RBKS: variants seen among roughly 807,000 people sequenced by gnomAD.
RBKS encodes the protein ribokinase.
Under a neutral mutation model 33.9 loss-of-function variants are expected in RBKS, and 33 were observed. The ratio of observed to expected loss-of-function variants is 0.97; its 90% CI spans 0.74 to 1.30. The LOEUF (loss-of-function observed/expected upper bound fraction) is 1.30, where lower values mean the gene tolerates loss of function less well. Ranked by LOEUF, RBKS falls within the 50% of genes most tolerant of loss-of-function variation. The pLI, the probability that RBKS is intolerant of heterozygous loss-of-function variation, is 0.00. For missense variants in RBKS, 361 were observed against 392.6 expected, an observed-to-expected ratio of 0.92 and a Z score of 0.68; for synonymous variants, 125 against 143.0, an observed-to-expected ratio of 0.87 and a Z score of 0.90.
chr2:27,866,450 A>C (rs956563315), intron 1 of RBKS, among the ~76,000 whole-genome samples: 3 of 152,194 alleles, frequency 2.0e-5, no homozygotes, highest in Non-Finnish European at 4.4e-5. Context: ...GTTTGCATCA[A>C]GTTTAAAAAA....
chr2:27,840,672 T>C (rs1034551551), intron 5 of RBKS, among the ~76,000 whole-genome samples: 4 of 152,172 alleles, frequency 2.6e-5, no homozygotes, highest in African/African-American at 9.6e-5. Context: ...TTGACTTTTC[T>C]AGAGATACTC....
chr2:27,788,090 T>C (rs1428198558), intron 7 of RBKS, among the ~76,000 whole-genome samples: 2 of 152,176 alleles, frequency 1.3e-5, no homozygotes, highest in Admixed American at 6.6e-5. Flanking sequence ...CTTGATCTTC[T>C]TGATAAAGAG....
At chr2:27,861,673 G>GGTT in intron 1 of RBKS, 1 of 412,556 alleles carries the variant, frequency 2.4e-6, no homozygotes, top group Non-Finnish European at 5.0e-6. Flanking sequence ...TGGGGGGGGG[G>GGTT]TGGAGTCTCA....
intron 1 of RBKS, among the ~76,000 whole-genome samples, chr2:27,873,293 G>C (rs1417828631): frequency 6.6e-6 from 1 of 152,142 alleles, no homozygotes; most frequent in African/African-American, 2.4e-5. Flanking sequence ...TCCCCACACA[G>C]ACATTCTACA....
At chr2:27,821,135 G>A (rs770618277) in intron 7 of RBKS, among the ~76,000 whole-genome samples, 21 of 150,164 alleles carry the variant, frequency 1.4e-4, no homozygotes, top group Non-Finnish European at 3.0e-4. Flanking sequence ...TTACATGATT[G>A]TATAATATTT....
At chr2:27,817,654 T>C (rs550267825) in intron 7 of RBKS, among the ~76,000 whole-genome samples, 229 of 152,278 alleles carry the variant, frequency 1.5e-3, no homozygotes, top group Non-Finnish European at 2.6e-3. Flanking sequence ...ATTATTTCAT[T>C]TAACTGAGGC....
At chr2:27,848,783 G>A in intron 2 of RBKS, among the ~76,000 whole-genome samples, 1 of 150,790 alleles carries the variant, frequency 6.6e-6, no homozygotes, top group Non-Finnish European at 1.5e-5. Context: ...GGAGGTTGCA[G>A]TGAGCCGAGG....
rs761205786 is a variant in RBKS at position 27,827,749 on chromosome 2, T to C, written c.613A>G (p.Ile205Val). 2 of 1,600,426 alleles carry C rather than the reference T, an allele frequency of 1.2e-6. No homozygotes were observed. Among genetic ancestry groups the C allele is most frequent in the Non-Finnish European group, 1.7e-6 (2 of 1,175,458 alleles). ...VFCCNESEAE[I>V]LTGLTVGSAA... ...CTGCCCACCGTGAGGCCAGTTAAAA[T>C]CTCAGCCTAGAATACACAAAAGTCA... The change falls in exon 7 of 8, where the codon ATT becomes GTT. Residue 205 changes from isoleucine to valine, a missense_variant. Physicochemically the swap from Ile to Val is conservative, Grantham distance 29. Transcript: ENST00000302188.
At chr2:27,824,848 T>A (rs922872378) in intron 7 of RBKS, among the ~76,000 whole-genome samples, 3 of 152,112 alleles carry the variant, frequency 2.0e-5, no homozygotes, top group African/African-American at 7.2e-5. Flanking sequence ...AGAAAACCAG[T>A]TTTAGGGTTG....
chr2:27,830,246 G>A lies in RBKS; in HGVS notation c.606+2440C>T, dbSNP rs546006756. 2.0e-5 allele frequency among the ~76,000 whole-genome samples: 3 copies of A among 152,062 alleles called. No homozygotes were observed. The South Asian group carries it at 6.2e-4, about 32-fold the overall frequency. On this transcript the variant is annotated intron_variant, in intron 6 of 7. Coordinates refer to ENST00000302188, the MANE Select transcript of RBKS (RefSeq NM_022128.3). ...AATTTACATTATTGCTGTGATTAGA[G>A]TTCATCTATAAGAACATTAAGCTTT...
At chr2:27,804,623 T>C (rs1378375828) in intron 7 of RBKS, among the ~76,000 whole-genome samples, 3 of 152,238 alleles carry the variant, frequency 2.0e-5, no homozygotes, top group African/African-American at 7.2e-5. Context: ...GGTGGTTCTG[T>C]GTTATTGAAA....
At chr2:27,794,607 C>A (rs1677607155) in intron 7 of RBKS, among the ~76,000 whole-genome samples, 1 of 145,248 alleles carries the variant, frequency 6.9e-6, no homozygotes, top group Non-Finnish European at 1.5e-5. Flanking sequence ...CTGGGAGGAA[C>A]ACTTTCGTTT....
At chr2:27,850,006 C>A (rs1573063828) in intron 2 of RBKS, among the ~76,000 whole-genome samples, 1 of 152,152 alleles carries the variant, frequency 6.6e-6, no homozygotes. Flanking sequence ...TTCTCCCATA[C>A]CCCTCTAATG....
At position 27,801,115 on chromosome 2, in the gene RBKS, T is replaced by C. The variant is rs1048349231; in HGVS notation, c.796-19327A>G. On this transcript the variant is annotated intron_variant, in intron 7 of 7. Coordinates refer to ENST00000302188, the MANE Select transcript of RBKS (RefSeq NM_022128.3). ...CCACTGGGCAGAGGGCTGCCACCCA[T>C]GGAGAGGAGATGTAGCAGAGGCTGG... Among the ~76,000 whole-genome samples, 8 of 152,020 alleles carry C rather than the reference T, an allele frequency of 5.3e-5. No homozygotes were observed. The East Asian group carries it at 5.8e-4, about 11-fold the overall frequency.
intron 1 of RBKS, among the ~76,000 whole-genome samples, chr2:27,861,721 G>A (rs1010126653): frequency 2.7e-5 from 4 of 149,616 alleles, no homozygotes; most frequent in African/African-American, 7.4e-5. Flanking sequence ...GTGTTATCTC[G>A]GCTCACTGTT....
At chr2:27,879,074 C>T (rs540431013) in intron 1 of RBKS, among the ~76,000 whole-genome samples, 7 of 152,188 alleles carry the variant, frequency 4.6e-5, no homozygotes, top group Non-Finnish European at 1.0e-4. Context: ...ACAAGCACAT[C>T]CATGATTTTG....
chr2:27,810,807 C>T lies in RBKS; in HGVS notation c.795+16760G>A, dbSNP rs1227996577. On this transcript the variant is annotated intron_variant, in intron 7 of 7. Transcript: ENST00000302188. This position sits in a 1 kb window ranked among gnomAD's most constrained non-coding sequence, Gnocchi z 4.4. The stretch of plus-strand genomic sequence containing the variant: ...CCACCATCTCTCACCCAGATCAATA[C>T]GACAGTCTCTGGACTGTTCTCCCTG... Among the ~76,000 whole-genome samples the T allele has an allele frequency of 6.6e-6, 1 of 152,176 alleles. No individual in the cohort carries two copies. The highest frequency in any genetic ancestry group is 2.4e-5 in the African/African-American group (1 of 41,432).
intron 7 of RBKS, among the ~76,000 whole-genome samples, chr2:27,814,306 A>C (rs1678047109): frequency 6.6e-6 from 1 of 152,224 alleles, no homozygotes; most frequent in African/African-American, 2.4e-5. Context: ...TTATTTCTTA[A>C]AACTATCAGA....
At chr2:27,867,856 T>C (rs571120756) in intron 1 of RBKS, among the ~76,000 whole-genome samples, 59 of 152,160 alleles carry the variant, frequency 3.9e-4, no homozygotes, top group Non-Finnish European at 7.5e-4. Context: ...GTACAAGAAC[T>C]GGAAAGTGGG....
Sources: allele counts gnomAD v4.1 joint callset (sites outside exome capture counted in the v4.1 genomes callset), GRCh38; gene constraint gnomAD v4.1.1; non-coding constraint Gnocchi (gnomAD v3.1); transcripts MANE v1.5; gene names NCBI Gene and HGNC (gene_info 2026-07-23, HGNC 2026-07-21).